The following ZZEF1 variants were observed in gnomAD, a reference collection of about 807,000 sequenced individuals.
The protein encoded by ZZEF1 is zinc finger ZZ-type and EF-hand domain-containing protein 1.
In ZZEF1, 157 loss-of-function variants were observed where a neutral mutation model predicts 342.8. The observed-to-expected ratio is 0.46, with a 90% CI of 0.40 to 0.52. The LOEUF is 0.52. Ranked by LOEUF, ZZEF1 falls within the 20% of genes least tolerant of loss-of-function variation. The pLI is 0.00. For missense variants in ZZEF1, 3,480 were observed against 3,725.6 expected (o/e 0.93, Z 1.72); for synonymous variants, 1,505 against 1,429.1 (o/e 1.05, Z -1.20).
At chr17:4,102,771 C>G (rs1031094744) in intron 8 of ZZEF1, among the ~76,000 whole-genome samples, 1 of 152,106 alleles carries the variant, frequency 6.6e-6, no homozygotes. Flanking sequence ...AACTTTATTA[C>G]AATTGCATTT....
At chr17:4,090,569 T>G in intron 12 of ZZEF1, 150 bp downstream of exon 12, 1 of 647,150 alleles carries the variant, frequency 1.5e-6, no homozygotes, top group Non-Finnish European at 2.8e-6. Context: ...CACACTGTCT[T>G]ACACATCTGT....
At position 4,085,873 on chromosome 17, in the gene ZZEF1, G is replaced by C. The variant is rs1393727107; in HGVS notation, c.2513-70C>G. The C allele has an allele frequency of 3.8e-6, 6 of 1,572,952 alleles. No individual in the cohort carries two copies. In the East Asian group the frequency reaches 9.0e-5, roughly 24 times the overall value. On this transcript the variant is annotated intron_variant, in intron 15 of 54. Coordinates refer to ENST00000381638, the MANE Select transcript of ZZEF1 (RefSeq NM_015113.4). Reference sequence around the variant, plus strand: ...TTCGCTTATACATCTGCTATAACTAGCCTATAAATTCACTACTCTCCATTT... The same window carrying C: ...TTCGCTTATACATCTGCTATAACTACCCTATAAATTCACTACTCTCCATTT...
rs369195363 is a variant in ZZEF1, at chr17:4,067,215, C to T, written c.4103G>A (p.Ser1368Asn). The change falls in exon 27 of 55, where the codon AGT (serine) becomes AAT (asparagine). Residue 1368 changes from serine to asparagine, a missense_variant. Physicochemically the swap from Ser to Asn is conservative, Grantham distance 46. Around this residue, in one of 5 missense-constraint regions of ZZEF1, gnomAD observed 1,528 missense variants for 1,624.1 expected, o/e 0.94. Coordinates refer to ENST00000381638, the MANE Select transcript of ZZEF1 (RefSeq NM_015113.4). ...YVNSGGKIAL[S>N]EEFAQVYSLA... ...GGAATAAACCTGGGCAAACTCTTCA[C>T]TCAGGGCTATTTTGCCCCCACTGTT... The T allele has an allele frequency of 6.2e-7, 1 of 1,613,478 alleles. No individual in the cohort carries two copies. The highest frequency in any genetic ancestry group is 8.5e-7 in the Non-Finnish European group (1 of 1,179,774).
chr17:4,025,006 T>C lies in ZZEF1; in HGVS notation c.7005A>G (p.Gln2335=). ...CGGGACAATGGCTGTCCATGCTGCT[T>C]TGCAGAAGGTGACTGGCGATAAAGG... The part of the protein sequence containing the change: ...HFAFIASHLL[Q]SSMDSHCPEA... The change falls in exon 43 of 55, where the codon CAA becomes CAG. Residue 2335 remains glutamine (Q), a synonymous_variant. Transcript: ENST00000381638. 6.2e-7 allele frequency: 1 copy of C among 1,614,174 alleles called. No homozygotes were observed. The highest frequency in any genetic ancestry group is 8.5e-7 in the Non-Finnish European group (1 of 1,180,022).
chr17:4,105,157 C>G (rs1162986128), intron 7 of ZZEF1, among the ~76,000 whole-genome samples: 1 of 152,190 alleles, frequency 6.6e-6, no homozygotes, highest in Non-Finnish European at 1.5e-5. Context: ...ATGTATCACA[C>G]TGAATTACAC....
rs374601712 is a variant in ZZEF1, at chr17:4,068,440, C to A, written c.4076-1198G>T. ...TAGCTGGAATTACAGGCACCTGCCA[C>A]CACACCTGGCAAATTTTTGTATTTT... On this transcript the variant is annotated intron_variant, in intron 26 of 54. Coordinates refer to ENST00000381638, the MANE Select transcript of ZZEF1 (RefSeq NM_015113.4). Among the ~76,000 whole-genome samples, 15 of 152,264 alleles carry A rather than the reference C, an allele frequency of 9.9e-5. No individual in the cohort carries two copies. The East Asian group carries it at 1.7e-3, about 18-fold the overall frequency.
intron 52 of ZZEF1, among the ~76,000 whole-genome samples, chr17:4,010,335 C>T (rs2055914032): frequency 6.8e-6 from 1 of 146,334 alleles, no homozygotes. Flanking sequence ...GCCTGGGCAA[C>T]AGAGTGAGAC....
Position 4,072,649 on chromosome 17 carries a change from C to G in ZZEF1, c.3793G>C (p.Glu1265Gln). The G allele has an allele frequency of 6.2e-7, 1 of 1,614,030 alleles. No individual in the cohort carries two copies. Among genetic ancestry groups the G allele is most frequent in the Non-Finnish European group, 8.5e-7 (1 of 1,179,958 alleles). Reference protein sequence around the residue: ...RHQVCPELELEASWPTHPHRN... With the variant: ...RHQVCPELELQASWPTHPHRN... ...TGTGGGTGAGTGGGCCAGCTTGCTTCTAATTCCAACTCTGGACAAACCTGA... is the reference window on the plus strand; with the variant it reads ...TGTGGGTGAGTGGGCCAGCTTGCTTGTAATTCCAACTCTGGACAAACCTGA... The change falls in exon 25 of 55, where the codon GAA becomes CAA. Residue 1265 changes from glutamate to glutamine, a missense_variant. By Grantham distance (29) the Glu-to-Gln change is conservative. Around this residue, in one of 5 missense-constraint regions of ZZEF1, gnomAD observed 1,528 missense variants for 1,624.1 expected, o/e 0.94. Coordinates refer to ENST00000381638, the MANE Select transcript of ZZEF1 (RefSeq NM_015113.4).
chr17:4,102,225 A>G, intron 9 of ZZEF1, 92 bp downstream of exon 9: 1 of 1,125,376 alleles, frequency 8.9e-7, no homozygotes, highest in Non-Finnish European at 1.3e-6. Flanking sequence ...TGAAGACTGC[A>G]CGCCTCAAAC....
At chr17:4,020,121 G>T in intron 45 of ZZEF1, 1 of 187,238 alleles carries the variant, frequency 5.3e-6, no homozygotes, top group Non-Finnish European at 1.1e-5. Flanking sequence ...GCATACATAG[G>T]CACTGTATTT....
chr17:4,127,008 ATTTTT>A (rs113010631), intron 1 of ZZEF1, among the ~76,000 whole-genome samples: 1 of 142,692 alleles, frequency 7.0e-6, no homozygotes, highest in African/African-American at 2.6e-5. Context: ...AACTGACTGG[ATTTTT>A]TTTTTTTTTT....
chr17:4,019,877 G>T, intron 45 of ZZEF1, 108 bp from the exon 46 acceptor site: 3 of 781,708 alleles, frequency 3.8e-6, no homozygotes, highest in Non-Finnish European at 4.0e-6. Flanking sequence ...GCTGCCACAG[G>T]TTATAATTGA....
Position 4,096,656 on chromosome 17 carries a change from A to T in ZZEF1, c.1717T>A (p.Ser573Thr). Residue 573 changes from serine (S) to threonine (T), a missense_variant, in exon 10 of 55, where the codon TCT becomes ACT. Around this residue, in one of 5 missense-constraint regions of ZZEF1, gnomAD observed 1,528 missense variants for 1,624.1 expected, o/e 0.94. Transcript: ENST00000381638. Reference protein sequence around the residue: ...TGKTRASTIFSTGTESAFQVT... With the variant: ...TGKTRASTIFTTGTESAFQVT... ...TGGAAGGCAGATTCAGTTCCGGTAG[A>T]AAAAATAGTGCTGGCTCTGGTTTTT... 1 of 1,614,098 alleles carries T rather than the reference A, an allele frequency of 6.2e-7. No individual in the cohort carries two copies. The highest frequency in any genetic ancestry group is 1.7e-5 in the Admixed American group (1 of 60,016).
chr17:4,066,543 A>T lies in ZZEF1; in HGVS notation c.4156-3T>A. 1 of 1,614,032 alleles carries T rather than the reference A, an allele frequency of 6.2e-7. No homozygotes were observed. The highest frequency in any genetic ancestry group is 8.5e-7 in the Non-Finnish European group (1 of 1,179,948). ...AGGGACTTCTGCTTCATCTCTAACT[A>T]GGGGAGAATTTGAGCCACATCATTA... On this transcript the variant is annotated splice_polypyrimidine_tract_variant and splice_region_variant and intron_variant, in intron 27 of 54. Transcript: ENST00000381638.
intron 30 of ZZEF1, among the ~76,000 whole-genome samples, chr17:4,059,917 G>C (rs1305259102): frequency 2.0e-5 from 3 of 152,200 alleles, no homozygotes; most frequent in Non-Finnish European, 4.4e-5. Flanking sequence ...GCTCACCCAG[G>C]TAGGACTCCA....
chr17:4,074,065 G>T (rs186743952), intron 24 of ZZEF1, 85 bp downstream of exon 24: 4 of 1,480,620 alleles, frequency 2.7e-6, no homozygotes, highest in Middle Eastern at 2.3e-4. Flanking sequence ...CTGCCATTAC[G>T]TGGAAACGAC....
intron 46 of ZZEF1, among the ~76,000 whole-genome samples, chr17:4,018,266 TA>T (rs772803725): frequency 4.6e-5 from 7 of 152,100 alleles, no homozygotes; most frequent in East Asian, 1.9e-4. Context: ...AAAACATTTT[TA>T]AAAAAAATTT....
At chr17:4,021,050 G>T in intron 45 of ZZEF1, 79 bp downstream of exon 45, 1 of 1,441,940 alleles carries the variant, frequency 6.9e-7, no homozygotes, top group Non-Finnish European at 9.4e-7. Flanking sequence ...TTCATGTTTA[G>T]GCTAAAACAT....
chr17:4,112,730 C>T lies in ZZEF1; in HGVS notation c.945G>A (p.Gln315=), dbSNP rs2058334162. 6.2e-7 allele frequency: 1 copy of T among 1,613,926 alleles called. No homozygotes were observed. Among genetic ancestry groups the T allele is most frequent in the Non-Finnish European group, 8.5e-7 (1 of 1,179,836 alleles). The change falls in exon 5 of 55, where the codon CAG becomes CAA. Residue 315 remains glutamine, a synonymous_variant. Transcript: ENST00000381638. ...VAATDQSYMP[Q]QVTVAVGRNA... is the part of the protein sequence containing the mutation. ...TCCTCCCTACAGCTACTGTCACCTG[C>T]TGTGGCATGTAGCTCTGGTCAGTGG...
Sources: allele counts gnomAD v4.1 joint callset (sites outside exome capture counted in the v4.1 genomes callset), GRCh38; gene constraint gnomAD v4.1.1; regional missense constraint gnomAD v4.1.1; transcripts MANE v1.5; gene names NCBI Gene and HGNC (gene_info 2026-07-23, HGNC 2026-07-21).